The following TFEB variants were observed in gnomAD, a reference collection of about 807,000 sequenced individuals.
TFEB encodes the protein transcription factor EB.
Under a neutral mutation model 48.0 loss-of-function variants are expected in TFEB, and 12 were observed. The ratio of observed to expected loss-of-function variants is 0.25; its 90% CI spans 0.16 to 0.40. The LOEUF is 0.40. Ranked by LOEUF, TFEB falls within the 10% of genes least tolerant of loss-of-function variation. TFEB has a pLI of 1.00. For synonymous variants in TFEB, 244 were observed against 261.4 expected, an observed-to-expected ratio of 0.93 and a Z score of 0.64; for missense variants, 509 against 640.3, an observed-to-expected ratio of 0.79 and a Z score of 2.21.
rs1771048353 is a variant in TFEB at position 41,723,034 on chromosome 6, C to A, written c.-23+12316G>T. On this transcript the variant is annotated intron_variant, in intron 1 of 8. Coordinates refer to ENST00000373033, the MANE Select transcript of TFEB (RefSeq NM_001271944.2). The surrounding 1 kb of genome is among the most constrained non-coding windows in gnomAD (Gnocchi z 6.0). ...GTGGATGTAGAGCATATGCTCCCAG[C>A]CCCTAATGTAAATGGGTATTCACTG... is the stretch of plus-strand genomic sequence containing the variant. Among the ~76,000 whole-genome samples, 2 of 152,152 alleles carry A rather than the reference C, an allele frequency of 1.3e-5. No individual in the cohort carries two copies. Among genetic ancestry groups the A allele is most frequent in the Admixed American group, 6.5e-5 (1 of 15,278 alleles).
chr6:41,690,623 C>T (rs1769250842), intron 3 of TFEB, 40 bp downstream of exon 3: 2 of 1,487,978 alleles, frequency 1.3e-6, no homozygotes, highest in South Asian at 2.8e-5. Context: ...TGGGCACGAG[C>T]TCTGCAAGCA....
chr6:41,702,097 C>A (rs961532848), intron 1 of TFEB, among the ~76,000 whole-genome samples: 5 of 152,174 alleles, frequency 3.3e-5, no homozygotes, highest in African/African-American at 1.2e-4. Flanking sequence ...GGAAAGGTCT[C>A]CCCATGTAGA....
At chr6:41,733,476 G>T in intron 1 of TFEB, 1 of 313,282 alleles carries the variant, frequency 3.2e-6, no homozygotes, top group Non-Finnish European at 4.6e-6. Flanking sequence ...CCTTGTAAAT[G>T]GTAAGCACCA....
intron 7 of TFEB, chr6:41,686,508 C>CTT (rs34883692): frequency 0.15 from 22,330 of 150,098 alleles, 1,932 homozygotes; most frequent in East Asian, 0.22. Flanking sequence ...GCCTACCTTT[C>CTT]TTTTTTTTTT....
At chr6:41,719,213 C>T (rs112725670) in intron 1 of TFEB, among the ~76,000 whole-genome samples, 2,700 of 152,256 alleles carry the variant, frequency 0.018, 78 homozygotes, top group African/African-American at 0.061. Flanking sequence ...TCCCATCACC[C>T]CCAGATGGGA....
intron 1 of TFEB, among the ~76,000 whole-genome samples, chr6:41,709,225 A>T (rs190090865): frequency 4.2e-4 from 64 of 152,326 alleles, no homozygotes; most frequent in South Asian, 1.0e-3. Context: ...TTGATTAAAC[A>T]CTAAGAGTGT....
intron 1 of TFEB, among the ~76,000 whole-genome samples, chr6:41,719,285 A>G (rs965808746): frequency 3.3e-5 from 5 of 152,246 alleles, no homozygotes; most frequent in Non-Finnish European, 1.5e-5. Flanking sequence ...GGTGAGTTGT[A>G]TAATTATTTC....
chr6:41,685,245 GT>G (rs1017766213), intron 8 of TFEB, among the ~76,000 whole-genome samples, 167 bp from the exon 9 acceptor site: 1 of 152,220 alleles, frequency 6.6e-6, no homozygotes, highest in African/African-American at 2.4e-5. Flanking sequence ...CTAGACCAGT[GT>G]TTTTTCAGAC....
chr6:41,698,350 C>T lies in TFEB; in HGVS notation c.-22-7115G>A, dbSNP rs1262367261. Reference sequence around the variant, plus strand: ...GCGGCCACGTTTTGTTTTAGAAATTCTCACTGAAGAAGCCTCCCTGCGATC... The same window carrying T: ...GCGGCCACGTTTTGTTTTAGAAATTTTCACTGAAGAAGCCTCCCTGCGATC... On this transcript the variant is annotated intron_variant, in intron 1 of 8. Transcript: ENST00000373033. Among the ~76,000 whole-genome samples the T allele has an allele frequency of 2.6e-5, 4 of 152,196 alleles. No individual in the cohort carries two copies. In the East Asian group the frequency reaches 5.8e-4, roughly 22 times the overall value.
intron 1 of TFEB, among the ~76,000 whole-genome samples, chr6:41,717,476 C>A (rs1353593806): frequency 1.3e-5 from 2 of 152,160 alleles, no homozygotes; most frequent in Non-Finnish European, 2.9e-5. Context: ...AGAAGACAGA[C>A]AAGATGATGA....
Position 41,706,643 on chromosome 6 carries a change from C to T in TFEB, c.-22-15408G>A, listed in dbSNP as rs146692182. ...GCTCCTGCCCTGTCCATGTGCGCTC[C>T]GGCTGGCATTCCCACCCCATCTCTG... On this transcript the variant is annotated intron_variant, in intron 1 of 8. Coordinates refer to ENST00000373033, the MANE Select transcript of TFEB (RefSeq NM_001271944.2). Among the ~76,000 whole-genome samples the T allele has an allele frequency of 2.7e-3, 415 of 152,188 alleles. 1 individual carries two copies. Among genetic ancestry groups the T allele is most frequent in the African/African-American group, 9.0e-3 (372 of 41,524 alleles).
At chr6:41,714,786 T>G (rs983418564) in intron 1 of TFEB, among the ~76,000 whole-genome samples, 3 of 152,036 alleles carry the variant, frequency 2.0e-5, no homozygotes, top group Non-Finnish European at 4.4e-5. Flanking sequence ...TCCTCTGCCC[T>G]CCACACCCCA....
chr6:41,734,769 C>A lies in TFEB; in HGVS notation c.-23+581G>T. ...CAAGAGACCGAGCTGGAGGAAGGGA[C>A]GGGAAGGGAGGGAGAGATGGTACTT... is the stretch of plus-strand genomic sequence containing the variant. On this transcript the variant is annotated intron_variant, in intron 1 of 8. Coordinates refer to ENST00000373033, the MANE Select transcript of TFEB (RefSeq NM_001271944.2). This position sits in a 1 kb window ranked among gnomAD's most constrained non-coding sequence, Gnocchi z 4.0. The A allele has an allele frequency of 1.7e-6, 1 of 577,358 alleles. No homozygotes were observed. Among genetic ancestry groups the A allele is most frequent in the Non-Finnish European group, 2.2e-6 (1 of 456,616 alleles). 35.8% of individuals were successfully genotyped at this position (577,358 alleles called of 1,614,324 possible).
chr6:41,708,339 C>A (rs981290131), intron 1 of TFEB, among the ~76,000 whole-genome samples: 1 of 152,182 alleles, frequency 6.6e-6, no homozygotes, highest in African/African-American at 2.4e-5. Context: ...GATGAGGTGG[C>A]AAAAGCTATC....
Position 41,684,542 on chromosome 6 carries a change from C to T in TFEB, c.*57G>A, listed in dbSNP as rs989432948. 2.7e-6 allele frequency: 4 copies of T among 1,498,804 alleles called. No homozygotes were observed. The highest frequency in any genetic ancestry group is 2.4e-5 in the East Asian group (1 of 42,388). 92.8% of individuals were successfully genotyped at this position (1,498,804 alleles called of 1,614,324 possible). A position where few individuals can be genotyped will look rare whatever the true frequency, so the allele number is the denominator to read the frequency against. ...GCCTGAAGGGTGGGAGGGAGGTGCCCCTGGCCCTCCCAGCCCCCAGGCCGG... is the reference window on the plus strand; with the variant it reads ...GCCTGAAGGGTGGGAGGGAGGTGCCTCTGGCCCTCCCAGCCCCCAGGCCGG... On this transcript the variant is annotated 3_prime_UTR_variant, in exon 9 of 9. Transcript: ENST00000373033.
rs1354070160 is a variant in TFEB, at chr6:41,684,286, A to G, written c.*313T>C. 6 of 293,498 alleles carry G rather than the reference A, an allele frequency of 2.0e-5. No homozygotes were observed. In the East Asian group the frequency reaches 3.1e-4, roughly 15 times the overall value. The allele number at this position is 293,498 out of a possible 1,614,324, so 18.2% of individuals were successfully genotyped here. ...AATGAGGGGCTCGGGCTCAGAAGAC[A>G]GGGAATCTCCACCAGGCCCTCTTCT... On this transcript the variant is annotated 3_prime_UTR_variant, in exon 9 of 9. Transcript: ENST00000373033.
At chr6:41,712,849 CAG>C (rs1333059473) in intron 1 of TFEB, among the ~76,000 whole-genome samples, 2 of 152,190 alleles carry the variant, frequency 1.3e-5, no homozygotes, top group Non-Finnish European at 2.9e-5. Context: ...CACCCCCTCC[CAG>C]GCAGCACAGC....
At chr6:41,726,199 TG>T (rs1201018623) in intron 1 of TFEB, among the ~76,000 whole-genome samples, 1 of 152,026 alleles carries the variant, frequency 6.6e-6, no homozygotes, top group African/African-American at 2.4e-5. Context: ...CACTGTTGGG[TG>T]GGAAAAGCCT....
chr6:41,736,153 A>G, upstream of TFEB: 5 of 1,612,824 alleles, frequency 3.1e-6, no homozygotes, highest in Non-Finnish European at 4.2e-6. Context: ...CACCAGCCTG[A>G]GCTTGCTGTC....
Sources: allele counts gnomAD v4.1 joint callset (sites outside exome capture counted in the v4.1 genomes callset), GRCh38; gene constraint gnomAD v4.1.1; non-coding constraint Gnocchi (gnomAD v3.1); transcripts MANE v1.5; gene names NCBI Gene and HGNC (gene_info 2026-07-23, HGNC 2026-07-21).